Variants in GTF2F2 observed in about 807,000 individuals in gnomAD.
GTF2F2 encodes the protein general transcription factor IIF subunit 2, also known as ATP-dependent helicase GTF2F2.
A neutral mutation model predicts 42.2 loss-of-function variants in GTF2F2; 23 were observed. The ratio of observed to expected loss-of-function variants is 0.55; its 90% confidence interval spans 0.39 to 0.77. The LOEUF (loss-of-function observed/expected upper bound fraction) is 0.77, where lower values mean the gene tolerates loss of function less well. Ranked by LOEUF, GTF2F2 falls within the 30% of genes least tolerant of loss-of-function variation. The pLI is 0.00. For synonymous variants in GTF2F2, 105 were observed against 100.8 expected (o/e 1.04, Z -0.25); for missense variants, 261 against 287.2 (o/e 0.91, Z 0.66).
chr13:45,187,000 A>C (rs1872453802), intron 4 of GTF2F2, among the ~76,000 whole-genome samples: 1 of 152,208 alleles, frequency 6.6e-6, no homozygotes, highest in South Asian at 2.1e-4. Context: ...AATGCAACTG[A>C]ATATTCTGGA....
At chr13:45,276,881 T>A (rs1877058161) in intron 7 of GTF2F2, among the ~76,000 whole-genome samples, 1 of 152,262 alleles carries the variant, frequency 6.6e-6, no homozygotes, top group Non-Finnish European at 1.5e-5. Flanking sequence ...GTGAGATAAT[T>A]TACCAGCACA....
At chr13:45,175,697 A>G (rs1228449004) in intron 4 of GTF2F2, among the ~76,000 whole-genome samples, 2 of 152,066 alleles carry the variant, frequency 1.3e-5, no homozygotes, top group Admixed American at 6.5e-5. Flanking sequence ...ATCTCGGCTC[A>G]CTGCAACCTC....
intron 1 of GTF2F2, among the ~76,000 whole-genome samples, chr13:45,132,631 T>A (rs1869424239): frequency 6.6e-6 from 1 of 152,182 alleles, no homozygotes; most frequent in Non-Finnish European, 1.5e-5. Flanking sequence ...AGGAAATATG[T>A]CCTTGGTTAC....
chr13:45,244,837 A>AT (rs1217772954), intron 5 of GTF2F2, among the ~76,000 whole-genome samples: 1 of 152,078 alleles, frequency 6.6e-6, no homozygotes, highest in Non-Finnish European at 1.5e-5. Flanking sequence ...TGCCTGGCTA[A>AT]TTTTTTGTAT....
intron 4 of GTF2F2, chr13:45,206,397 T>C (rs576799774): frequency 6.6e-6 from 1 of 152,330 alleles, no homozygotes; most frequent in South Asian, 2.1e-4. Context: ...TGTGTCTTAA[T>C]CATCTTGATT....
chr13:45,281,743 C>G lies in GTF2F2; in HGVS notation c.631-1699C>G, dbSNP rs114724775. 2.7e-3 allele frequency among the ~76,000 whole-genome samples: 412 copies of G among 152,316 alleles called. 1 individual carries two copies. The highest frequency in any genetic ancestry group is 9.3e-3 in the African/African-American group (386 of 41,556). On this transcript the variant is annotated intron_variant, in intron 7 of 7. Coordinates refer to ENST00000340473, the MANE Select transcript of GTF2F2 (RefSeq NM_004128.3). ...AAATATACAGACAAGAGCTTCTCAG[C>G]CATTTTTCTTATTAATGCCTCACTT...
At chr13:45,210,122 T>C (rs979271791) in intron 5 of GTF2F2, among the ~76,000 whole-genome samples, 4 of 152,166 alleles carry the variant, frequency 2.6e-5, no homozygotes, top group African/African-American at 9.7e-5. Context: ...ATCATGCCAT[T>C]CGTCTTTTCA....
At chr13:45,217,348 G>A (rs573739900) in intron 5 of GTF2F2, among the ~76,000 whole-genome samples, 1 of 149,488 alleles carries the variant, frequency 6.7e-6, no homozygotes, top group East Asian at 2.0e-4. Flanking sequence ...CTCCCTGACC[G>A]TTTCTCTTCA....
At chr13:45,211,801 G>A (rs1317485129) in intron 5 of GTF2F2, among the ~76,000 whole-genome samples, 1 of 150,330 alleles carries the variant, frequency 6.7e-6, no homozygotes, top group Non-Finnish European at 1.5e-5. Flanking sequence ...GGTCAGGTTG[G>A]TCTTGAACTC....
rs9567536 is a variant in GTF2F2 at position 45,266,437 on chromosome 13, C to T, written c.487-796C>T. ...GGATGAGAAAAGGTCCATGTCCTTT[C>T]CTTTTTACCAATGCTTCCCAAACTT... On this transcript the variant is annotated intron_variant, in intron 6 of 7. Coordinates refer to ENST00000340473, the MANE Select transcript of GTF2F2 (RefSeq NM_004128.3). 1.0e-3 allele frequency among the ~76,000 whole-genome samples: 155 copies of T among 152,280 alleles called. No homozygotes were observed. In the East Asian group the frequency reaches 0.015, roughly 15 times the overall value.
At chr13:45,175,077 T>C (rs1871807749) in intron 4 of GTF2F2, among the ~76,000 whole-genome samples, 1 of 152,224 alleles carries the variant, frequency 6.6e-6, no homozygotes, top group African/African-American at 2.4e-5. Context: ...ATTTTGCATC[T>C]GTTAGCCAGT....
intron 5 of GTF2F2, among the ~76,000 whole-genome samples, chr13:45,210,209 G>C (rs1361285376): frequency 1.3e-5 from 2 of 152,130 alleles, no homozygotes; most frequent in African/African-American, 4.8e-5. Flanking sequence ...GGTCCTATGT[G>C]ATCATCCTAC....
At chr13:45,203,763 G>A (rs942940140) in intron 4 of GTF2F2, among the ~76,000 whole-genome samples, 2 of 152,128 alleles carry the variant, frequency 1.3e-5, no homozygotes, top group Admixed American at 6.6e-5. Flanking sequence ...GTGACTGTGG[G>A]CATCTGTCGC....
intron 4 of GTF2F2, chr13:45,194,709 C>G: frequency 1.4e-6 from 1 of 736,034 alleles, no homozygotes; most frequent in Non-Finnish European, 2.3e-6. Context: ...GCTGTCAGCT[C>G]GGTTTTGCAG....
chr13:45,190,528 A>G (rs993525517), intron 4 of GTF2F2, among the ~76,000 whole-genome samples: 5 of 152,126 alleles, frequency 3.3e-5, no homozygotes, highest in Non-Finnish European at 5.9e-5. Context: ...TAACTATGTA[A>G]TCTTGGGCAG....
chr13:45,212,459 C>CTTTTCTTTTCT (rs55758635), intron 5 of GTF2F2, among the ~76,000 whole-genome samples: 2,446 of 79,304 alleles, frequency 0.031, 169 homozygotes, highest in African/African-American at 0.076. Flanking sequence ...TTCTTTCTTT[C>CTTTTCTTTTCT]TTTCTTTCTT....
chr13:45,193,675 A>G (rs1208436633), intron 4 of GTF2F2: 4 of 906,044 alleles, frequency 4.4e-6, no homozygotes, highest in Non-Finnish European at 6.8e-6. Context: ...GATTAGTAGC[A>G]GGGCTCTGTA....
At chr13:45,140,117 T>TC (rs959195563) in intron 2 of GTF2F2, among the ~76,000 whole-genome samples, 1 of 151,650 alleles carries the variant, frequency 6.6e-6, no homozygotes, top group African/African-American at 2.4e-5. Flanking sequence ...CCAGCTAATT[T>TC]TTTTTTTTTT....
intron 1 of GTF2F2, among the ~76,000 whole-genome samples, chr13:45,123,683 G>T (rs1487634588): frequency 6.6e-6 from 1 of 150,978 alleles, no homozygotes; most frequent in African/African-American, 2.4e-5. Context: ...GGGATAAATA[G>T]TGTGTTTAGG....
Sources: allele counts gnomAD v4.1 joint callset (sites outside exome capture counted in the v4.1 genomes callset), GRCh38; gene constraint gnomAD v4.1.1; transcripts MANE v1.5; gene names NCBI Gene and HGNC (gene_info 2026-07-23, HGNC 2026-07-21).